Variants in IQSEC1 observed in about 807,000 individuals in gnomAD.
IQSEC1 encodes IQ motif and SEC7 domain-containing protein 1.
Under a neutral mutation model 91.0 loss-of-function variants are expected in IQSEC1, and 31 were observed. That is an observed-to-expected ratio of 0.34 (90% confidence interval 0.26 to 0.46). IQSEC1 has a LOEUF of 0.46. Among genes scored for constraint, IQSEC1 ranks in the 20% least tolerant of loss-of-function variants. The pLI, the probability that IQSEC1 is intolerant of heterozygous loss-of-function variation, is 1.00. For synonymous variants in IQSEC1, 699 were observed against 662.6 expected, an observed-to-expected ratio of 1.05 and a Z score of -0.84; for missense variants, 1,388 against 1,575.6, an observed-to-expected ratio of 0.88 and a Z score of 2.02.
rs1698113926 is a variant in IQSEC1, at chr3:12,935,741, G to GGGCCGC, written c.1269_1274dup (p.Arg426_Pro427dup). On this transcript the variant is annotated inframe_insertion, in exon 3 of 14. Coordinates refer to ENST00000613206, the MANE Select transcript of IQSEC1 (RefSeq NM_001134382.3). This position sits in a 1 kb window ranked among gnomAD's most constrained non-coding sequence, Gnocchi z 8.0. ...GGCTGTCCAGGGGCCTGGGGGGCCG[G>GGGCCGC]GGCCGCAACTCAGGCTCCTCCCGGG... is the stretch of plus-strand genomic sequence containing the variant. 1 of 1,610,964 alleles carries GGGCCGC rather than the reference G, an allele frequency of 6.2e-7. No homozygotes were observed. Among genetic ancestry groups the GGGCCGC allele is most frequent in the Non-Finnish European group, 8.5e-7 (1 of 1,179,820 alleles).
chr3:13,058,988 G>A (rs1013653504), intron 1 of IQSEC1, among the ~76,000 whole-genome samples: 1 of 151,988 alleles, frequency 6.6e-6, no homozygotes, highest in African/African-American at 2.4e-5. Context: ...GGATGGGGGG[G>A]TAGTGCCCTC....
At chr3:13,192,518 G>A (rs948482347) in intron 1 of IQSEC1, among the ~76,000 whole-genome samples, 1 of 152,162 alleles carries the variant, frequency 6.6e-6, no homozygotes, top group Non-Finnish European at 1.5e-5. Context: ...AGACAGCCCT[G>A]CGGAGGTGGA....
At chr3:13,281,529 C>T (rs75995468) in intron 1 of IQSEC1, among the ~76,000 whole-genome samples, 19,250 of 152,134 alleles carry the variant, frequency 0.13, 1,298 homozygotes, top group East Asian at 0.18. Flanking sequence ...AGCCCCCCAG[C>T]CCCACCCGCA....
intron 2 of IQSEC1, among the ~76,000 whole-genome samples, chr3:13,138,475 G>A (rs1370769911): frequency 1.3e-5 from 2 of 151,986 alleles, no homozygotes; most frequent in African/African-American, 2.4e-5. Flanking sequence ...ACCTGAAGCC[G>A]GCCCAGCTCC....
chr3:13,176,000 G>A (rs911614021), intron 1 of IQSEC1, among the ~76,000 whole-genome samples: 1 of 152,206 alleles, frequency 6.6e-6, no homozygotes, highest in African/African-American at 2.4e-5. Flanking sequence ...TGAGCAGAAG[G>A]GGGCAGACGT....
intron 1 of IQSEC1, among the ~76,000 whole-genome samples, chr3:13,233,913 G>T (rs1012709585): frequency 3.3e-5 from 5 of 152,174 alleles, no homozygotes; most frequent in African/African-American, 1.2e-4. Flanking sequence ...CCCAAAAAGT[G>T]GGGAGGGTGA....
intron 1 of IQSEC1, among the ~76,000 whole-genome samples, chr3:13,034,413 A>T (rs1392869441): frequency 6.6e-6 from 1 of 152,258 alleles, no homozygotes. Context: ...TGACCCAGCG[A>T]GAACGTTTCC....
intron 1 of IQSEC1, among the ~76,000 whole-genome samples, chr3:13,189,853 C>A (rs1693992251): frequency 6.6e-6 from 1 of 152,214 alleles, no homozygotes; most frequent in Non-Finnish European, 1.5e-5. Context: ...CCCCACACCC[C>A]AGCTGATCTC....
intron 1 of IQSEC1, among the ~76,000 whole-genome samples, chr3:13,277,624 T>A (rs930087133): frequency 1.3e-5 from 2 of 152,168 alleles, no homozygotes; most frequent in Non-Finnish European, 2.9e-5. Flanking sequence ...CAGACAAGTC[T>A]CCCAGAGCAT....
chr3:12,955,368 G>A (rs916523641), intron 1 of IQSEC1, among the ~76,000 whole-genome samples: 2 of 152,226 alleles, frequency 1.3e-5, no homozygotes, highest in African/African-American at 4.8e-5. Flanking sequence ...CCTCAGAAAG[G>A]AAGCAGGGGG....
At chr3:13,135,534 C>T (rs1342005717) in intron 2 of IQSEC1, among the ~76,000 whole-genome samples, 2 of 152,244 alleles carry the variant, frequency 1.3e-5, no homozygotes, top group Non-Finnish European at 2.9e-5. Context: ...AGCTCTGGTG[C>T]CCCTGGGACA....
At chr3:13,176,670 G>A (rs1346500481) in intron 1 of IQSEC1, among the ~76,000 whole-genome samples, 3 of 152,220 alleles carry the variant, frequency 2.0e-5, no homozygotes, top group African/African-American at 7.2e-5. Context: ...CCAGATGCAT[G>A]TGGACACCAC....
chr3:13,048,119 C>T (rs1412722803), intron 1 of IQSEC1, among the ~76,000 whole-genome samples: 1 of 152,210 alleles, frequency 6.6e-6, no homozygotes, highest in Non-Finnish European at 1.5e-5. Flanking sequence ...CCCACCTCCA[C>T]CCATGACTAG....
chr3:12,906,539 C>T (rs1193250933), intron 12 of IQSEC1, among the ~76,000 whole-genome samples: 1 of 152,256 alleles, frequency 6.6e-6, no homozygotes, highest in African/African-American at 2.4e-5. Context: ...TCCCTGAGAT[C>T]TGTTCCTCCT....
intron 1 of IQSEC1, among the ~76,000 whole-genome samples, chr3:13,202,013 C>CG (rs1457559238): frequency 6.6e-6 from 1 of 152,206 alleles, no homozygotes; most frequent in African/African-American, 2.4e-5. Context: ...CAGTGACACT[C>CG]CAGCCAACTG....
intron 1 of IQSEC1, among the ~76,000 whole-genome samples, chr3:13,227,699 T>C (rs1225895084): frequency 1.4e-4 from 21 of 151,914 alleles, no homozygotes; most frequent in South Asian, 2.1e-4. Flanking sequence ...GGTGGGGCGA[T>C]AGAGGGCTGG....
chr3:13,111,773 G>A (rs999923861), intron 2 of IQSEC1, among the ~76,000 whole-genome samples: 15 of 152,270 alleles, frequency 9.9e-5, no homozygotes, highest in South Asian at 4.1e-4. Flanking sequence ...GAAGGCAGCC[G>A]TCTGTGAACC....
Position 13,207,009 on chromosome 3 carries a change from C to T in IQSEC1, c.273-42876G>A, listed in dbSNP as rs1352648340. 6.6e-6 allele frequency among the ~76,000 whole-genome samples: 1 copy of T among 152,100 alleles called. No individual in the cohort carries two copies. Among genetic ancestry groups the T allele is most frequent in the African/African-American group, 2.4e-5 (1 of 41,408 alleles). ...GCACCTCCCGCCTCCTGGTTAGCCA[C>T]ACCTGGACTGGTCATTTCCCATCTC... On this transcript the variant is annotated intron_variant, in intron 1 of 15. Coordinates refer to the IQSEC1 transcript ENST00000648114. This position sits in a 1 kb window ranked among gnomAD's most constrained non-coding sequence, Gnocchi z 4.8.
chr3:13,029,471 G>A (rs1254286757), intron 1 of IQSEC1, among the ~76,000 whole-genome samples: 2 of 152,246 alleles, frequency 1.3e-5, no homozygotes, highest in Non-Finnish European at 2.9e-5. Flanking sequence ...TGGCTTGGAA[G>A]TCTTTCTCAA....
Sources: gnomAD v4.1 joint callset for allele counts (sites outside exome capture counted in the v4.1 genomes callset) on GRCh38, gnomAD v4.1.1 for gene constraint, Gnocchi (gnomAD v3.1) non-coding constraint, MANE v1.5 for transcripts, NCBI Gene and HGNC (gene_info 2026-07-23, HGNC 2026-07-21) for gene names.